Variants in NR3C2 observed in about 807,000 individuals in gnomAD.
The protein encoded by NR3C2 is nuclear receptor subfamily 3 group C member 2, also known as mineralocorticoid receptor.
NR3C2 carries 15 observed loss-of-function variants against 86.4 expected under a neutral mutation model. That is an observed-to-expected ratio of 0.17 (90% CI 0.12 to 0.27). The LOEUF (loss-of-function observed/expected upper bound fraction) is 0.27. Among genes scored for constraint, NR3C2 ranks in the 10% least tolerant of loss-of-function variants. The probability of loss-of-function intolerance (pLI) is 1.00; values close to 1 mark genes in which losing one functional copy is unlikely to be tolerated. For missense variants in NR3C2, 960 were observed against 1,195.6 expected, an observed-to-expected ratio of 0.80 and a Z score of 2.91; for synonymous variants, 458 against 450.5, an observed-to-expected ratio of 1.02 and a Z score of -0.21.
rs1730464574 is a variant in NR3C2 at position 148,079,921 on chromosome 4, G to C, written c.*1423C>G. 1 of 152,278 alleles carries C rather than the reference G, an allele frequency of 6.6e-6. No individual in the cohort carries two copies. The highest frequency in any genetic ancestry group is 1.5e-5 in the Non-Finnish European group (1 of 68,042). 9.4% of individuals were successfully genotyped at this position (152,278 alleles called of 1,614,324 possible). A position where few individuals can be genotyped will look rare whatever the true frequency, so the allele number is the denominator to read the frequency against. ...CCAGGAGTGCAGAACCTCTTTCCAA[G>C]ATCAGAAGGGAATAGCTGATCTTTA... On this transcript the variant is annotated 3_prime_UTR_variant, in exon 9 of 9. Transcript: ENST00000358102.
At chr4:148,092,853 C>T (rs1039661) in intron 8 of NR3C2, among the ~76,000 whole-genome samples, 307 of 152,204 alleles carry the variant, frequency 2.0e-3, no homozygotes, top group Non-Finnish European at 3.2e-3. Flanking sequence ...GTCATAGCGA[C>T]GAAGCCAAAG....
At chr4:148,100,035 T>C (rs1213891609) in intron 8 of NR3C2, among the ~76,000 whole-genome samples, 1 of 152,212 alleles carries the variant, frequency 6.6e-6, no homozygotes, top group African/African-American at 2.4e-5. Context: ...TGCTTATAAG[T>C]CTTCAAAACT....
chr4:148,237,208 A>G (rs79465784), intron 3 of NR3C2, among the ~76,000 whole-genome samples: 3,941 of 152,288 alleles, frequency 0.026, 158 homozygotes, highest in African/African-American at 0.088. Flanking sequence ...AAGACATACC[A>G]TCATTTGCAA....
At position 148,219,273 on chromosome 4, in the gene NR3C2, T is replaced by C. The variant is rs1006237394; in HGVS notation, c.1898-24411A>G. On this transcript the variant is annotated intron_variant, in intron 3 of 8. Coordinates refer to ENST00000358102, the MANE Select transcript of NR3C2 (RefSeq NM_000901.5). The stretch of plus-strand genomic sequence containing the variant: ...ATTTATGTATCTCCTTTGTGACATG[T>C]AGATTATGCACGTCTACTCAAATCT... 2.0e-5 allele frequency among the ~76,000 whole-genome samples: 3 copies of C among 152,238 alleles called. No individual in the cohort carries two copies. The East Asian group carries it at 5.8e-4, about 29-fold the overall frequency.
intron 2 of NR3C2, among the ~76,000 whole-genome samples, chr4:148,407,014 T>C (rs1187628363): frequency 1.3e-5 from 2 of 152,222 alleles, no homozygotes; most frequent in Non-Finnish European, 2.9e-5. Flanking sequence ...TGCAAAGAGT[T>C]AACGTTTACA....
intron 2 of NR3C2, among the ~76,000 whole-genome samples, chr4:148,403,262 T>C (rs1175053664): frequency 1.3e-5 from 2 of 152,048 alleles, no homozygotes; most frequent in East Asian, 1.9e-4. Flanking sequence ...CAAACACATA[T>C]TGGATGCTGA....
In NR3C2 at chr4:148,081,359, G is replaced by A. The variant is rs776710327; in HGVS notation, c.2940C>T (p.Tyr980=). ...KVESGNAKPL[Y]FHRK is the part of the protein sequence containing the mutation. ...CAGCGGGCAGTCACTTCCGGTGGAA[G>A]TAGAGCGGCTTGGCGTTCCCCGACT... Residue 980 remains tyrosine, a synonymous_variant, in exon 9 of 9, where the codon TAC becomes TAT. Coordinates refer to ENST00000358102, the MANE Select transcript of NR3C2 (RefSeq NM_000901.5). The A allele has an allele frequency of 6.2e-7, 1 of 1,614,244 alleles. No homozygotes were observed. Among genetic ancestry groups the A allele is most frequent in the Non-Finnish European group, 8.5e-7 (1 of 1,180,036 alleles).
chr4:148,239,063 G>A (rs539130598), intron 3 of NR3C2, among the ~76,000 whole-genome samples: 12 of 152,202 alleles, frequency 7.9e-5, no homozygotes, highest in Non-Finnish European at 1.3e-4. Context: ...AAGAATAGAC[G>A]TAGAGGCATG....
intron 4 of NR3C2, among the ~76,000 whole-genome samples, chr4:148,176,053 C>G (rs924607607): frequency 6.6e-6 from 1 of 152,168 alleles, no homozygotes; most frequent in African/African-American, 2.4e-5. Context: ...TGCTGACCAT[C>G]AGATGCAAAG....
chr4:148,185,651 T>G (rs1382710971), intron 4 of NR3C2, among the ~76,000 whole-genome samples: 1 of 152,194 alleles, frequency 6.6e-6, no homozygotes, highest in East Asian at 1.9e-4. Flanking sequence ...TCTGTAGAGA[T>G]GACCACCACT....
At chr4:148,125,502 G>C (rs74523730) in intron 6 of NR3C2, among the ~76,000 whole-genome samples, 5,028 of 152,150 alleles carry the variant, frequency 0.033, 294 homozygotes, top group African/African-American at 0.11. Flanking sequence ...CATTAGTTCT[G>C]CTTTAAAGCA....
upstream of NR3C2, among the ~76,000 whole-genome samples, chr4:148,445,268 G>A (rs1750522984): frequency 6.6e-6 from 1 of 151,866 alleles, no homozygotes; most frequent in Admixed American, 6.6e-5. Context: ...TCGCGCGGGG[G>A]GCGGGAGGGA....
chr4:148,296,584 TAAA>T (rs77790802), intron 2 of NR3C2, among the ~76,000 whole-genome samples: 1 of 139,192 alleles, frequency 7.2e-6, no homozygotes, highest in Non-Finnish European at 1.6e-5. Context: ...TCTGACCAAT[TAAA>T]AAAAAAAAAA....
chr4:148,098,242 A>C (rs1731380657), intron 8 of NR3C2, among the ~76,000 whole-genome samples: 1 of 152,176 alleles, frequency 6.6e-6, no homozygotes. Context: ...ACCTTGTTTT[A>C]TGCATGTTTC....
At chr4:148,119,821 A>G (rs1732433254) in intron 7 of NR3C2, among the ~76,000 whole-genome samples, 1 of 152,112 alleles carries the variant, frequency 6.6e-6, no homozygotes. Context: ...CTTTGCTTAG[A>G]GTATAAACTC....
chr4:148,388,061 C>T (rs1052619692), intron 2 of NR3C2, among the ~76,000 whole-genome samples: 1 of 152,170 alleles, frequency 6.6e-6, no homozygotes, highest in African/African-American at 2.4e-5. Context: ...GAACTGCCAC[C>T]TCTTCCAGAG....
chr4:148,181,938 T>G (rs1735665621), intron 4 of NR3C2, among the ~76,000 whole-genome samples: 1 of 152,254 alleles, frequency 6.6e-6, no homozygotes, highest in Non-Finnish European at 1.5e-5. Flanking sequence ...TTATTCTTCC[T>G]TCCTCCCACA....
intron 2 of NR3C2, among the ~76,000 whole-genome samples, chr4:148,368,049 G>T (rs904202253): frequency 6.6e-6 from 1 of 151,722 alleles, no homozygotes; most frequent in African/African-American, 2.4e-5. Context: ...CCCTCCCTTG[G>T]GCGCCACCAT....
chr4:148,271,081 G>C (rs1740660440), intron 2 of NR3C2, among the ~76,000 whole-genome samples: 1 of 152,080 alleles, frequency 6.6e-6, no homozygotes, highest in South Asian at 2.1e-4. Context: ...AGGTCTTCAA[G>C]CGCAAACATT....
Sources: gnomAD v4.1 joint callset for allele counts (sites outside exome capture counted in the v4.1 genomes callset) on GRCh38, gnomAD v4.1.1 for gene constraint, MANE v1.5 for transcripts, NCBI Gene and HGNC (gene_info 2026-07-23, HGNC 2026-07-21) for gene names.